The following ARID5B variants were observed in gnomAD, a reference collection of about 807,000 sequenced individuals.
ARID5B encodes AT-rich interactive domain-containing protein 5B.
A neutral mutation model predicts 97.2 loss-of-function variants in ARID5B; 13 were observed. That is an observed-to-expected ratio of 0.13 (90% confidence interval 0.09 to 0.21). ARID5B has a LOEUF of 0.21. Among genes scored for constraint, ARID5B ranks in the 10% least tolerant of loss-of-function variants. ARID5B has a pLI of 1.00. For synonymous variants in ARID5B, 556 were observed against 570.3 expected (o/e 0.97, Z 0.36); for missense variants, 1,210 against 1,465.3 (o/e 0.83, Z 2.84).
intron 4 of ARID5B, among the ~76,000 whole-genome samples, chr10:62,001,555 T>A (rs902906701): frequency 6.6e-6 from 1 of 152,188 alleles, no homozygotes; most frequent in Non-Finnish European, 1.5e-5. Context: ...TTAAATTTGA[T>A]TCTTCATGAT....
At chr10:61,926,451 T>C (rs1009834148) in intron 2 of ARID5B, among the ~76,000 whole-genome samples, 8 of 152,126 alleles carry the variant, frequency 5.3e-5, no homozygotes, top group African/African-American at 1.9e-4. Context: ...TCTCAGAAAG[T>C]CCTTATAGGG....
chr10:62,072,160 T>A (rs751088217), intron 8 of ARID5B, among the ~76,000 whole-genome samples: 14 of 152,148 alleles, frequency 9.2e-5, no homozygotes, highest in Non-Finnish European at 1.8e-4. Flanking sequence ...CAACCAGCAC[T>A]GATGCTTCGG....
intron 3 of ARID5B, among the ~76,000 whole-genome samples, chr10:61,959,393 T>C (rs547028173): frequency 1.0e-3 from 152 of 152,284 alleles, no homozygotes; most frequent in Non-Finnish European, 1.9e-3. Flanking sequence ...GTACTACACC[T>C]AATAGGTTCA....
intron 9 of ARID5B, among the ~76,000 whole-genome samples, chr10:62,089,532 T>C (rs1361090426): frequency 1.4e-5 from 2 of 147,258 alleles, no homozygotes; most frequent in Non-Finnish European, 3.0e-5. Context: ...CTTTTTCTTT[T>C]TTTTTTTTTT....
chr10:61,906,349 C>G (rs970811146), intron 2 of ARID5B, among the ~76,000 whole-genome samples: 1 of 152,116 alleles, frequency 6.6e-6, no homozygotes, highest in Non-Finnish European at 1.5e-5. Flanking sequence ...CTTAGAATTG[C>G]CACATTCAGC....
chr10:61,921,045 A>G lies in ARID5B; in HGVS notation c.276+18632A>G, dbSNP rs1424704153. On this transcript the variant is annotated intron_variant, in intron 2 of 9. Coordinates refer to ENST00000279873, the MANE Select transcript of ARID5B (RefSeq NM_032199.3). ...GTATTTTACTATTGGTTTGTCGTCA[A>G]CTCTGCAGAAAATTATCTAATTTCT... Among the ~76,000 whole-genome samples the G allele has an allele frequency of 2.0e-5, 3 of 152,166 alleles. No individual in the cohort carries two copies. The East Asian group carries it at 5.8e-4, about 29-fold the overall frequency.
At chr10:61,954,898 T>C (rs1236836467) in intron 3 of ARID5B, among the ~76,000 whole-genome samples, 1 of 151,056 alleles carries the variant, frequency 6.6e-6, no homozygotes, top group African/African-American at 2.4e-5. Context: ...CCCAGCTACT[T>C]GGGAGGCTGA....
intron 2 of ARID5B, among the ~76,000 whole-genome samples, chr10:61,933,077 C>T (rs998294642): frequency 6.6e-6 from 1 of 152,152 alleles, no homozygotes; most frequent in African/African-American, 2.4e-5. Context: ...CTCAAAAGAA[C>T]AAAAACAAAA....
intron 3 of ARID5B, among the ~76,000 whole-genome samples, chr10:61,992,609 T>G (rs1260445500): frequency 6.6e-6 from 1 of 152,210 alleles, no homozygotes; most frequent in Non-Finnish European, 1.5e-5. Flanking sequence ...CATTTACTTT[T>G]TTTTAAGTTC....
At position 62,021,568 on chromosome 10, in the gene ARID5B, T is replaced by C. The variant is rs1236473300; in HGVS notation, c.733+21247T>C. Among the ~76,000 whole-genome samples, 4 of 152,370 alleles carry C rather than the reference T, an allele frequency of 2.6e-5. No individual in the cohort carries two copies. The South Asian group carries it at 6.2e-4, about 24-fold the overall frequency. On this transcript the variant is annotated intron_variant, in intron 4 of 9. Transcript: ENST00000279873. Reference sequence around the variant, plus strand: ...TTCTGAAATTAGAGAATCCAGATTATGGTCAGCGATATTTACCAAGAAGTA... The same window carrying C: ...TTCTGAAATTAGAGAATCCAGATTACGGTCAGCGATATTTACCAAGAAGTA...
chr10:62,072,720 A>G (rs1366297999), intron 8 of ARID5B, among the ~76,000 whole-genome samples: 2 of 152,242 alleles, frequency 1.3e-5, no homozygotes, highest in South Asian at 2.1e-4. Flanking sequence ...CTAACTACCA[A>G]AATTTGAAGA....
intron 4 of ARID5B, among the ~76,000 whole-genome samples, chr10:62,020,052 C>A (rs1458743505): frequency 2.0e-5 from 3 of 152,076 alleles, no homozygotes; most frequent in Non-Finnish European, 2.9e-5. Context: ...AAGAGGCTAC[C>A]CTAACTTTCT....
chr10:61,962,081 G>A (rs574027777), intron 3 of ARID5B, among the ~76,000 whole-genome samples: 1 of 152,298 alleles, frequency 6.6e-6, no homozygotes, highest in Admixed American at 6.5e-5. Context: ...GATCTTAGCA[G>A]GGTGAGGGAA....
At chr10:61,943,614 G>C (rs1420447199) in intron 3 of ARID5B, among the ~76,000 whole-genome samples, 1 of 151,982 alleles carries the variant, frequency 6.6e-6, no homozygotes, top group African/African-American at 2.4e-5. Context: ...AAAATAATTA[G>C]ATTGGTTCTT....
intron 2 of ARID5B, among the ~76,000 whole-genome samples, chr10:61,907,636 C>G (rs984153399): frequency 3.9e-5 from 6 of 152,248 alleles, no homozygotes; most frequent in African/African-American, 1.4e-4. Context: ...TTTATCTTTA[C>G]TCTCTACCAA....
At chr10:61,928,960 T>A (rs571611274) in intron 2 of ARID5B, among the ~76,000 whole-genome samples, 2 of 151,918 alleles carry the variant, frequency 1.3e-5, no homozygotes, top group African/African-American at 4.8e-5. Context: ...AGCAAGGGAG[T>A]GGCCAAACCA....
intron 4 of ARID5B, chr10:62,049,189 C>T: frequency 7.8e-7 from 1 of 1,277,938 alleles, no homozygotes; most frequent in Non-Finnish European, 9.9e-7. Flanking sequence ...TCACCATCTC[C>T]GTGCGGGGAG....
At chr10:62,041,812 T>C (rs1312867896) in intron 4 of ARID5B, among the ~76,000 whole-genome samples, 4 of 152,240 alleles carry the variant, frequency 2.6e-5, no homozygotes, top group Non-Finnish European at 5.9e-5. Flanking sequence ...TGAACAAGAA[T>C]GTCCTGTTTA....
intron 4 of ARID5B, among the ~76,000 whole-genome samples, chr10:62,045,201 A>T (rs1022669420): frequency 1.3e-5 from 2 of 152,138 alleles, no homozygotes; most frequent in African/African-American, 4.8e-5. Context: ...CCTTTCTTTC[A>T]TTACACCCAT....
Sources: gnomAD v4.1 joint callset for allele counts (sites outside exome capture counted in the v4.1 genomes callset) on GRCh38, gnomAD v4.1.1 for gene constraint, MANE v1.5 for transcripts, NCBI Gene and HGNC (gene_info 2026-07-23, HGNC 2026-07-21) for gene names.